The following EVI5 variants were observed in gnomAD, a reference collection of about 807,000 sequenced individuals.
EVI5 encodes ecotropic viral integration site 5 protein homolog.
Under a neutral mutation model 112.0 loss-of-function variants are expected in EVI5, and 73 were observed. That is an observed-to-expected ratio of 0.65 (90% confidence interval 0.54 to 0.79). The LOEUF is 0.79. EVI5 is among the 30% of genes least tolerant of loss of function. The pLI, the probability that EVI5 is intolerant of heterozygous loss-of-function variation, is 0.00. For missense variants in EVI5, 900 were observed against 968.8 expected (o/e 0.93, Z 0.94); for synonymous variants, 305 against 319.9 (o/e 0.95, Z 0.50).
Position 92,649,778 on chromosome 1 carries a change from C to T in EVI5, c.1392+12941G>A, listed in dbSNP as rs115837523. On this transcript the variant is annotated intron_variant, in intron 13 of 19. Transcript: ENST00000684568. ...GCAGTGAGCTGATTGTGCCCTTACACTCGAGCCTGGCGACAGAGAAAGACC... is the reference window on the plus strand; with the variant it reads ...GCAGTGAGCTGATTGTGCCCTTACATTCGAGCCTGGCGACAGAGAAAGACC... 4.6e-3 allele frequency among the ~76,000 whole-genome samples: 696 copies of T among 152,298 alleles called. 3 individuals are homozygous for T. Among genetic ancestry groups the T allele is most frequent in the African/African-American group, 0.016 (676 of 41,558 alleles).
chr1:92,570,328 CA>C (rs1419768218), intron 18 of EVI5, among the ~76,000 whole-genome samples: 2 of 151,530 alleles, frequency 1.3e-5, no homozygotes, highest in South Asian at 4.2e-4. Flanking sequence ...GGAGCGAGGG[CA>C]GGGGGGGCCT....
chr1:92,677,101 A>G, intron 10 of EVI5, 57 bp downstream of exon 10: 4 of 1,011,290 alleles, frequency 4.0e-6, no homozygotes, highest in Non-Finnish European at 4.6e-6. Flanking sequence ...TTAAACATCT[A>G]CTGTCCAATA....
At chr1:92,514,936 C>A (rs945416297) in intron 19 of EVI5, among the ~76,000 whole-genome samples, 1 of 152,172 alleles carries the variant, frequency 6.6e-6, no homozygotes, top group Non-Finnish European at 1.5e-5. Context: ...AGCATATCAC[C>A]GTCACTTACT....
chr1:92,719,353 A>C (rs1052573010), intron 2 of EVI5, among the ~76,000 whole-genome samples: 1 of 151,964 alleles, frequency 6.6e-6, no homozygotes, highest in African/African-American at 2.4e-5. Context: ...CCACTATGAC[A>C]AAGTGGCCTT....
Position 92,675,955 on chromosome 1 carries a change from CA to C in EVI5, c.1158+1202del, listed in dbSNP as rs370294019. On this transcript the variant is annotated intron_variant, in intron 10 of 19. Coordinates refer to ENST00000684568, the MANE Select transcript of EVI5 (RefSeq NM_001350197.2). Reference sequence around the variant, plus strand: ...TGGGCGATACAGCGAGACTTCGTCTCAAAAAAAAAAAAAAAGAAAAAGAAAA... The same window carrying C: ...TGGGCGATACAGCGAGACTTCGTCTCAAAAAAAAAAAAAAGAAAAAGAAAA... Among the ~76,000 whole-genome samples the C allele has an allele frequency of 6.1e-3, 347 of 56,660 alleles. 1 individual carries two copies. Among genetic ancestry groups the C allele is most frequent in the Non-Finnish European group, 9.6e-3 (260 of 27,192 alleles). The allele number at this position is 56,660 out of a possible 152,430, so 37.2% of individuals were successfully genotyped here.
At chr1:92,615,852 A>G (rs1351512790) in intron 16 of EVI5, among the ~76,000 whole-genome samples, 1 of 152,212 alleles carries the variant, frequency 6.6e-6, no homozygotes, top group Non-Finnish European at 1.5e-5. Flanking sequence ...CTACACTTGA[A>G]AAAAACCAAG....
intron 9 of EVI5, among the ~76,000 whole-genome samples, chr1:92,690,482 A>C (rs1304698639): frequency 1.3e-5 from 2 of 151,852 alleles, no homozygotes; most frequent in Admixed American, 6.6e-5. Flanking sequence ...AGCTGGAACT[A>C]AAGGTGTACA....
At chr1:92,703,266 G>T in intron 4 of EVI5, 129 bp downstream of exon 4, 1 of 616,886 alleles carries the variant, frequency 1.6e-6, no homozygotes, top group Non-Finnish European at 2.8e-6. Context: ...CAAAAATGAT[G>T]CTAAAACCAA....
intron 18 of EVI5, among the ~76,000 whole-genome samples, chr1:92,599,001 A>C (rs7556243): frequency 6.6e-6 from 1 of 151,834 alleles, no homozygotes; most frequent in Non-Finnish European, 1.5e-5. Flanking sequence ...AGTAGACTGA[A>C]TAATCTTTGA....
At chr1:92,704,312 AAAT>A (rs940925905) in intron 3 of EVI5, among the ~76,000 whole-genome samples, 15 of 152,160 alleles carry the variant, frequency 9.9e-5, no homozygotes, top group Admixed American at 8.5e-4. Flanking sequence ...AGTCTTTATA[AAAT>A]AATAATAAGT....
chr1:92,517,775 A>G (rs1168860619), intron 19 of EVI5, among the ~76,000 whole-genome samples: 1 of 151,986 alleles, frequency 6.6e-6, no homozygotes, highest in Non-Finnish European at 1.5e-5. Context: ...ACTCTAGGCA[A>G]TGGCTTTTGT....
At chr1:92,656,812 G>A (rs10874731) in intron 13 of EVI5, among the ~76,000 whole-genome samples, 140,238 of 152,224 alleles carry the variant, frequency 0.92, 64,679 homozygotes, top group East Asian at 0.97. Flanking sequence ...GAAGAATAAA[G>A]CTTTCTAAGG....
At chr1:92,528,250 C>T (rs6603981) in intron 19 of EVI5, among the ~76,000 whole-genome samples, 129,681 of 152,238 alleles carry the variant, frequency 0.85, 55,609 homozygotes, top group East Asian at 0.97. Flanking sequence ...GGAGTGTAAA[C>T]TGGTATAAGC....
At chr1:92,533,084 C>T (rs1571353652) in intron 19 of EVI5, among the ~76,000 whole-genome samples, 1 of 147,226 alleles carries the variant, frequency 6.8e-6, no homozygotes, top group East Asian at 2.0e-4. Context: ...CAAATAGGTG[C>T]AATAAAAAAA....
chr1:92,573,264 G>A (rs1322960295), intron 18 of EVI5, among the ~76,000 whole-genome samples: 1 of 152,008 alleles, frequency 6.6e-6, no homozygotes, highest in Non-Finnish European at 1.5e-5. Flanking sequence ...GAAAATAAGT[G>A]TATTTTGAAA....
At chr1:92,770,338 C>T (rs1298843914) in intron 1 of EVI5, among the ~76,000 whole-genome samples, 1 of 152,174 alleles carries the variant, frequency 6.6e-6, no homozygotes, top group Non-Finnish European at 1.5e-5. Flanking sequence ...CTTGATTTAA[C>T]CAATCCTCTA....
At chr1:92,753,458 A>C (rs1042559974) in intron 1 of EVI5, among the ~76,000 whole-genome samples, 20 of 152,228 alleles carry the variant, frequency 1.3e-4, no homozygotes, top group African/African-American at 4.8e-4. Flanking sequence ...AAAAACAAGT[A>C]AAACAAATGA....
rs765747891 is a variant in EVI5, at chr1:92,724,021, T to A, written c.149+12377A>T. 1.1e-4 allele frequency among the ~76,000 whole-genome samples: 17 copies of A among 152,200 alleles called. No individual in the cohort carries two copies. In the South Asian group the frequency reaches 1.2e-3, roughly 11 times the overall value. Reference sequence around the variant, plus strand: ...ACTGGTTGTCTGCTCTCGAACCCTGTTTCCTGTTAAGATGTTTATCAAGAC... The same window carrying A: ...ACTGGTTGTCTGCTCTCGAACCCTGATTCCTGTTAAGATGTTTATCAAGAC... On this transcript the variant is annotated intron_variant, in intron 2 of 19. Transcript: ENST00000684568.
Position 92,662,748 on chromosome 1 carries a change from T to C in EVI5, c.1363A>G (p.Ile455Val), listed in dbSNP as rs1330645009. The change falls in exon 13 of 20, where the codon ATC (isoleucine) becomes GTC (valine). Residue 455 changes from isoleucine (I) to valine (V), a missense_variant. Transcript: ENST00000684568. ...SAKLEQAENT[I>V]RKLQHQQQWH... The stretch of plus-strand genomic sequence containing the variant: ...TGTTGTTGGTGCTGGAGCTTCCTGA[T>C]GGTATTTTCAGCTTGCTCCAGCTTA... 13 of 1,285,460 alleles carry C rather than the reference T, an allele frequency of 1.0e-5. No homozygotes were observed. Among genetic ancestry groups the C allele is most frequent in the South Asian group, 1.2e-5 (1 of 80,332 alleles). The allele number at this position is 1,285,460 out of a possible 1,614,324, so 79.6% of individuals were successfully genotyped here. A position where few individuals can be genotyped will look rare whatever the true frequency, so the allele number is the denominator to read the frequency against.
Sources: gnomAD v4.1 joint callset for allele counts (sites outside exome capture counted in the v4.1 genomes callset) on GRCh38, gnomAD v4.1.1 for gene constraint, MANE v1.5 for transcripts, NCBI Gene and HGNC (gene_info 2026-07-23, HGNC 2026-07-21) for gene names.